Variants in GREB1 observed in about 807,000 individuals in gnomAD.
GREB1 encodes protein GREB1.
Under a neutral mutation model 200.7 loss-of-function variants are expected in GREB1, and 106 were observed. That is an observed-to-expected ratio of 0.53 (90% confidence interval 0.45 to 0.62). The LOEUF (loss-of-function observed/expected upper bound fraction) is 0.62, where lower values mean the gene tolerates loss of function less well. GREB1 is among the 20% of genes least tolerant of loss of function. The pLI, the probability that GREB1 is intolerant of heterozygous loss-of-function variation, is 0.00. For missense variants in GREB1, 2,243 were observed against 2,556.8 expected, an observed-to-expected ratio of 0.88 and a Z score of 2.65; for synonymous variants, 1,132 against 1,092.4, an observed-to-expected ratio of 1.04 and a Z score of -0.72.
chr2:11,627,334 C>T (rs1330935461), intron 25 of GREB1, among the ~76,000 whole-genome samples: 4 of 152,264 alleles, frequency 2.6e-5, no homozygotes, highest in Middle Eastern at 3.4e-3. Flanking sequence ...GTTACCCGAC[C>T]GTGGAGGTGG....
chr2:11,618,955 C>G, intron 22 of GREB1, 36 bp downstream of exon 22: 2 of 1,446,900 alleles, frequency 1.4e-6, no homozygotes, highest in Non-Finnish European at 1.8e-6. Context: ...CAGCCCCGGA[C>G]TGGGGGGGTC....
At chr2:11,507,560 T>C (rs877164) in intron 1 of GREB1, among the ~76,000 whole-genome samples, 149,445 of 152,332 alleles carry the variant, frequency 0.98, 73,337 homozygotes, top group South Asian at 1. Flanking sequence ...ATGCAAACTG[T>C]ATTCTGTGTT....
chr2:11,624,011 T>C (rs996882133), intron 23 of GREB1, among the ~76,000 whole-genome samples: 1 of 152,222 alleles, frequency 6.6e-6, no homozygotes, highest in South Asian at 2.1e-4. Flanking sequence ...AATGTGTTTG[T>C]TTTAAGCTAA....
At chr2:11,617,658 CAG>C (rs1368027736) in intron 21 of GREB1, among the ~76,000 whole-genome samples, 1 of 152,212 alleles carries the variant, frequency 6.6e-6, no homozygotes, top group Non-Finnish European at 1.5e-5. Context: ...CCGAGAGGCT[CAG>C]GGGCGAGACG....
Position 11,633,333 on chromosome 2 carries a change from T to C in GREB1, c.4991+270T>C, listed in dbSNP as rs1461364614. Among the ~76,000 whole-genome samples, 2 of 151,842 alleles carry C rather than the reference T, an allele frequency of 1.3e-5. No individual in the cohort carries two copies. Among genetic ancestry groups the C allele is most frequent in the African/African-American group, 4.8e-5 (2 of 41,340 alleles). On this transcript the variant is annotated intron_variant, in intron 28 of 32. Coordinates refer to ENST00000381486, the MANE Select transcript of GREB1 (RefSeq NM_014668.4). This position sits in a 1 kb window ranked among gnomAD's most constrained non-coding sequence, Gnocchi z 4.1. Reference sequence around the variant, plus strand: ...ATCCCAGCACTTTGGGAGGCTGAGGTGGGTGGATCACGAGGTCAGGAGATC... The same window carrying C: ...ATCCCAGCACTTTGGGAGGCTGAGGCGGGTGGATCACGAGGTCAGGAGATC...
Position 11,592,845 on chromosome 2 carries a change from T to A in GREB1, c.1415T>A (p.Leu472Gln). 1 of 1,597,774 alleles carries A rather than the reference T, an allele frequency of 6.3e-7. No individual in the cohort carries two copies. The change falls in exon 11 of 33, where the codon CTG (leucine) becomes CAG (glutamine). Residue 472 changes from leucine (L) to glutamine (Q), a missense_variant. Leu to Gln is a moderately radical substitution (Grantham distance 113). Transcript: ENST00000381486. ...CTGCGCTCTTGGCGCGAGTCGCACCTGACCGAGATCCGGCAGTACCAGCAG... is the reference window on the plus strand; with the variant it reads ...CTGCGCTCTTGGCGCGAGTCGCACCAGACCGAGATCCGGCAGTACCAGCAG... ...IFLRSWRESH[L>Q]TEIRQYQQAP...
upstream of GREB1, among the ~76,000 whole-genome samples, chr2:11,529,762 A>C (rs182773633): frequency 1.0e-3 from 159 of 152,356 alleles, no homozygotes; most frequent in Non-Finnish European, 1.4e-3. Context: ...TTGAATGTGA[A>C]TGACTCACAG....
At position 11,597,986 on chromosome 2, in the gene GREB1, G is replaced by T. The variant is rs369529980; in HGVS notation, c.2152+8G>T. On this transcript the variant is annotated splice_region_variant and intron_variant, in intron 14 of 32. Coordinates refer to ENST00000381486, the MANE Select transcript of GREB1 (RefSeq NM_014668.4). This position sits in a 1 kb window ranked among gnomAD's most constrained non-coding sequence, Gnocchi z 4.1. ...TCCATGTGTGGCATTCAGGTATGGG[G>T]CATTTTGGGGAGAAGTCACGTGTGG... The T allele has an allele frequency of 2.1e-5, 34 of 1,605,702 alleles. No homozygotes were observed. The highest frequency in any genetic ancestry group is 2.8e-5 in the Non-Finnish European group (33 of 1,172,534).
rs544553694 is a variant in GREB1 at position 11,633,522 on chromosome 2, C to A, written c.4991+459C>A. ...GAGCTTGTAGTAAGTGGAGATGGCG[C>A]CACTGCACTCCAGCCTGGCAGACAG... On this transcript the variant is annotated intron_variant, in intron 28 of 32. Coordinates refer to ENST00000381486, the MANE Select transcript of GREB1 (RefSeq NM_014668.4). This position sits in a 1 kb window ranked among gnomAD's most constrained non-coding sequence, Gnocchi z 4.1. Among the ~76,000 whole-genome samples, 1 of 151,106 alleles carries A rather than the reference C, an allele frequency of 6.6e-6. No homozygotes were observed. Among genetic ancestry groups the A allele is most frequent in the South Asian group, 2.1e-4 (1 of 4,784 alleles).
In GREB1 at chr2:11,580,804, G is replaced by C; in HGVS notation, c.873G>C (p.Leu291=). 2 of 1,614,232 alleles carry C rather than the reference G, an allele frequency of 1.2e-6. No homozygotes were observed. The highest frequency in any genetic ancestry group is 1.7e-6 in the Non-Finnish European group (2 of 1,180,044). ...GCCAACAACTGGCAAAGAATAACCT[G>C]TTGGCCCTGCCGCGACCATCGGCTT... is the stretch of plus-strand genomic sequence containing the variant. The part of the protein sequence containing the change: ...PKCQQLAKNN[L]LALPRPSALG... Residue 291 remains leucine, a synonymous_variant, in exon 7 of 33, where the codon CTG becomes CTC. Coordinates refer to ENST00000381486, the MANE Select transcript of GREB1 (RefSeq NM_014668.4). The surrounding 1 kb of genome is among the most constrained non-coding windows in gnomAD (Gnocchi z 4.5).
At chr2:11,549,361 A>G (rs956962507) in intron 1 of GREB1, among the ~76,000 whole-genome samples, 1 of 152,168 alleles carries the variant, frequency 6.6e-6, no homozygotes, top group South Asian at 2.1e-4. Context: ...TTCCTCGGTA[A>G]CGTCTCAGTT....
chr2:11,516,113 T>G (rs1290879290), intron 1 of GREB1, among the ~76,000 whole-genome samples: 2 of 152,186 alleles, frequency 1.3e-5, no homozygotes, highest in African/African-American at 4.8e-5. Flanking sequence ...AAGTGCTGTC[T>G]GTCTCACACC....
chr2:11,604,532 A>C (rs1682078327), intron 17 of GREB1, among the ~76,000 whole-genome samples: 1 of 152,142 alleles, frequency 6.6e-6, no homozygotes, highest in South Asian at 2.1e-4. Flanking sequence ...CAGAGATTAA[A>C]TCTTATGTCT....
chr2:11,547,295 A>G (rs1399501680), intron 1 of GREB1, among the ~76,000 whole-genome samples: 1 of 152,214 alleles, frequency 6.6e-6, no homozygotes, highest in East Asian at 1.9e-4. Context: ...TTCTTTGGAG[A>G]TCGGCTTTTA....
chr2:11,549,763 A>C (rs1675629460), intron 1 of GREB1, among the ~76,000 whole-genome samples: 1 of 152,136 alleles, frequency 6.6e-6, no homozygotes, highest in African/African-American at 2.4e-5. Flanking sequence ...ATCCCTCTGA[A>C]GATATTAACT....
chr2:11,626,619 G>A (rs186193431), intron 24 of GREB1, among the ~76,000 whole-genome samples: 5 of 152,242 alleles, frequency 3.3e-5, no homozygotes, highest in East Asian at 3.9e-4. Context: ...AAAACAAGGG[G>A]CAGTTCATCT....
intron 4 of GREB1, among the ~76,000 whole-genome samples, chr2:11,569,434 A>G (rs1678034971): frequency 6.6e-6 from 1 of 152,162 alleles, no homozygotes; most frequent in African/African-American, 2.4e-5. Flanking sequence ...GGTCCAGCAG[A>G]GACGGTAAGG....
At chr2:11,600,016 C>T (rs1407411687) in intron 15 of GREB1, among the ~76,000 whole-genome samples, 2 of 152,148 alleles carry the variant, frequency 1.3e-5, no homozygotes, top group African/African-American at 4.8e-5. Context: ...GGAGGGGGCT[C>T]CTGGGCCAGG....
rs139538229 is a variant in GREB1 at position 11,574,140 on chromosome 2, C to G, written c.455-2213C>G. Among the ~76,000 whole-genome samples the G allele has an allele frequency of 4.3e-3, 650 of 152,326 alleles. 5 individuals carry two copies. The highest frequency in any genetic ancestry group is 8.5e-3 in the Non-Finnish European group (576 of 68,030). On this transcript the variant is annotated intron_variant, in intron 4 of 32. Transcript: ENST00000381486. Reference sequence around the variant, plus strand: ...TTCAGAGTGCTTACAGAAACCCTAACAGGCTGTGTTTACAGTTACCCTGTT... The same window carrying G: ...TTCAGAGTGCTTACAGAAACCCTAAGAGGCTGTGTTTACAGTTACCCTGTT...
Sources: allele counts gnomAD v4.1 joint callset (sites outside exome capture counted in the v4.1 genomes callset), GRCh38; gene constraint gnomAD v4.1.1; non-coding constraint Gnocchi (gnomAD v3.1); transcripts MANE v1.5; gene names NCBI Gene and HGNC (gene_info 2026-07-23, HGNC 2026-07-21).